Variants in PAX5 observed in about 807,000 individuals in gnomAD.
PAX5 encodes paired box protein Pax-5.
PAX5 carries 9 observed loss-of-function variants against 43.7 expected under a neutral mutation model. That is an observed-to-expected ratio of 0.21 (90% CI 0.12 to 0.36). PAX5 has a LOEUF of 0.36. Among genes scored for constraint, PAX5 ranks in the 10% least tolerant of loss-of-function variants. The probability of loss-of-function intolerance (pLI) is 1.00; values close to 1 mark genes in which losing one functional copy is unlikely to be tolerated. For missense variants in PAX5, 383 were observed against 532.7 expected (o/e 0.72, Z 2.77); for synonymous variants, 228 against 214.3 (o/e 1.06, Z -0.56).
Position 36,874,635 on chromosome 9 carries a change from A to G in PAX5, c.1012+7369T>C, listed in dbSNP as rs548385585. Among the ~76,000 whole-genome samples, 6 of 152,162 alleles carry G rather than the reference A, an allele frequency of 3.9e-5. No individual in the cohort carries two copies. In the East Asian group the frequency reaches 1.2e-3, roughly 29 times the overall value. On this transcript the variant is annotated intron_variant, in intron 8 of 9. Transcript: ENST00000358127. ...CAGAATGCCTTTCTCAGTTGCACCA[A>G]CCACAGCTGCCTCTCTGTTTTCTGC...
intron 5 of PAX5, among the ~76,000 whole-genome samples, chr9:36,982,905 C>T (rs1836062017): frequency 6.6e-6 from 1 of 151,868 alleles, no homozygotes; most frequent in Non-Finnish European, 1.5e-5. Context: ...CAGTGGTTGT[C>T]GGTAAGCATG....
chr9:36,881,243 T>G (rs572570221), intron 8 of PAX5, among the ~76,000 whole-genome samples: 36 of 152,194 alleles, frequency 2.4e-4, no homozygotes, highest in Non-Finnish European at 4.7e-4. Flanking sequence ...TTAGAAATAA[T>G]TTTTAAAAGG....
intron 7 of PAX5, among the ~76,000 whole-genome samples, chr9:36,899,841 G>A (rs997955862): frequency 5.9e-5 from 9 of 152,272 alleles, no homozygotes; most frequent in Non-Finnish European, 1.3e-4. Context: ...GGGCTCCACT[G>A]CCACAACCCC....
intron 7 of PAX5, among the ~76,000 whole-genome samples, chr9:36,899,230 G>T (rs1212496861): frequency 6.6e-6 from 1 of 152,152 alleles, no homozygotes; most frequent in African/African-American, 2.4e-5. Context: ...AGATGCCCTG[G>T]TCCTGTCCCC....
chr9:37,032,292 C>A (rs780754185), intron 1 of PAX5, among the ~76,000 whole-genome samples: 1 of 152,154 alleles, frequency 6.6e-6, no homozygotes, highest in African/African-American at 2.4e-5. Flanking sequence ...CACAGCTTGT[C>A]GGGAGAGCCA....
chr9:36,967,450 G>A (rs1298177839), intron 5 of PAX5, among the ~76,000 whole-genome samples: 1 of 152,192 alleles, frequency 6.6e-6, no homozygotes, highest in Non-Finnish European at 1.5e-5. Flanking sequence ...TTTATTTGTG[G>A]GGGGTTGGTT....
intron 6 of PAX5, among the ~76,000 whole-genome samples, chr9:36,942,262 A>G (rs2132065127): frequency 6.6e-6 from 1 of 152,368 alleles, no homozygotes; most frequent in South Asian, 2.1e-4. Flanking sequence ...CTGAAGGGGA[A>G]AGACTTGATC....
At chr9:36,958,358 G>C (rs1289626035) in intron 6 of PAX5, among the ~76,000 whole-genome samples, 1 of 151,940 alleles carries the variant, frequency 6.6e-6, no homozygotes, top group Non-Finnish European at 1.5e-5. Flanking sequence ...ACAATGAGAA[G>C]AACACAACTG....
chr9:37,019,821 T>C (rs1839705495), intron 2 of PAX5, among the ~76,000 whole-genome samples: 1 of 152,206 alleles, frequency 6.6e-6, no homozygotes, highest in East Asian at 1.9e-4. Context: ...GGGGCTATGG[T>C]GAGACCCAGA....
Position 37,011,684 on chromosome 9 carries a change from T to C in PAX5, c.410+3313A>G, listed in dbSNP as rs148769039. On this transcript the variant is annotated intron_variant, in intron 3 of 9. Transcript: ENST00000358127. ...AAGCCTAACAGAACTAGTTCAGTGATGCTTAACCCCTTGTCAGTCATGGTT... is the reference window on the plus strand; with the variant it reads ...AAGCCTAACAGAACTAGTTCAGTGACGCTTAACCCCTTGTCAGTCATGGTT... 3.9e-5 allele frequency among the ~76,000 whole-genome samples: 6 copies of C among 152,318 alleles called. 1 individual carries two copies. Among genetic ancestry groups the C allele is most frequent in the African/African-American group, 1.4e-4 (6 of 41,578 alleles).
intron 7 of PAX5, among the ~76,000 whole-genome samples, chr9:36,912,790 G>A (rs1829408281): frequency 6.6e-6 from 1 of 152,204 alleles, no homozygotes; most frequent in Non-Finnish European, 1.5e-5. Flanking sequence ...CTCCACAACT[G>A]CCCACATACA....
At chr9:36,878,864 C>T (rs1014206231) in intron 8 of PAX5, among the ~76,000 whole-genome samples, 1 of 152,244 alleles carries the variant, frequency 6.6e-6, no homozygotes, top group Non-Finnish European at 1.5e-5. Flanking sequence ...AGCTTGGAAT[C>T]CCAGCCCTGA....
intron 7 of PAX5, among the ~76,000 whole-genome samples, chr9:36,896,373 A>G (rs1162985214): frequency 6.6e-6 from 1 of 151,708 alleles, no homozygotes; most frequent in Non-Finnish European, 1.5e-5. Flanking sequence ...CTACACCTCC[A>G]ATTATTTCCT....
intron 7 of PAX5, among the ~76,000 whole-genome samples, chr9:36,904,471 C>T (rs950573204): frequency 2.0e-5 from 3 of 152,156 alleles, no homozygotes; most frequent in Non-Finnish European, 2.9e-5. Context: ...CCTAAGCATT[C>T]ATGCCAGAAA....
chr9:36,989,834 C>T (rs1178634484), intron 5 of PAX5, among the ~76,000 whole-genome samples: 3 of 152,192 alleles, frequency 2.0e-5, no homozygotes, highest in South Asian at 2.1e-4. Context: ...GGCCCCCATT[C>T]GGTACATATT....
intron 5 of PAX5, among the ~76,000 whole-genome samples, chr9:36,984,362 CAG>C (rs1186895378): frequency 1.3e-5 from 2 of 150,878 alleles, no homozygotes; most frequent in Non-Finnish European, 2.9e-5. Flanking sequence ...GCTCTGAAAA[CAG>C]AGTGCTTGGG....
At chr9:36,881,278 G>A (rs1249492465) in intron 8 of PAX5, among the ~76,000 whole-genome samples, 1 of 152,194 alleles carries the variant, frequency 6.6e-6, no homozygotes, top group African/African-American at 2.4e-5. Flanking sequence ...CATAAAAGAT[G>A]TGTAACAACA....
chr9:36,903,254 G>A (rs1045887851), intron 7 of PAX5, among the ~76,000 whole-genome samples: 5 of 152,242 alleles, frequency 3.3e-5, no homozygotes, highest in Non-Finnish European at 7.3e-5. Flanking sequence ...AGTTGGCTGG[G>A]AAGGGTGGCT....
chr9:36,933,468 GC>G (rs938597661), intron 6 of PAX5, among the ~76,000 whole-genome samples: 4 of 152,198 alleles, frequency 2.6e-5, no homozygotes, highest in African/African-American at 7.2e-5. Context: ...GGTCCGTGGT[GC>G]CCCGGGAGTC....
Sources: gnomAD v4.1 joint callset for allele counts (sites outside exome capture counted in the v4.1 genomes callset) on GRCh38, gnomAD v4.1.1 for gene constraint, MANE v1.5 for transcripts, NCBI Gene and HGNC (gene_info 2026-07-23, HGNC 2026-07-21) for gene names.